TRPV1: variants seen among roughly 807,000 people sequenced by gnomAD.
TRPV1 encodes the protein transient receptor potential cation channel subfamily V member 1, also known as OTRPC1.
Under a neutral mutation model 82.3 loss-of-function variants are expected in TRPV1, and 82 were observed. The observed-to-expected ratio is 1.00, with a 90% CI of 0.83 to 1.20. The LOEUF (loss-of-function observed/expected upper bound fraction) is 1.20, where lower values mean the gene tolerates loss of function less well. Among genes scored for constraint, TRPV1 ranks in the 50% most tolerant of loss-of-function variants. TRPV1 has a pLI of 0.00. For synonymous variants in TRPV1, 515 were observed against 467.7 expected (o/e 1.10, Z -1.30); for missense variants, 1,067 against 1,096.8 (o/e 0.97, Z 0.38).
intron 16 of TRPV1, 79 bp downstream of exon 16, chr17:3,571,445 G>T: frequency 1.7e-6 from 2 of 1,183,432 alleles, no homozygotes; most frequent in Non-Finnish European, 2.4e-6. Context: ...GGCAAGGCGT[G>T]GGGAACCTGC....
At chr17:3,569,990 AG>A in intron 16 of TRPV1, among the ~76,000 whole-genome samples, 2 of 150,230 alleles carry the variant, frequency 1.3e-5, no homozygotes, top group African/African-American at 4.9e-5. Context: ...CCAAGCGGTC[AG>A]GGAGGAGGGG....
intron 11 of TRPV1, among the ~76,000 whole-genome samples, chr17:3,580,023 C>T (rs2074985444): frequency 6.8e-6 from 1 of 146,966 alleles, no homozygotes; most frequent in African/African-American, 2.5e-5. Flanking sequence ...CACAGGGCAG[C>T]CCCCGCCCCG....
At chr17:3,577,424 C>T (rs2074948103) in intron 12 of TRPV1, among the ~76,000 whole-genome samples, 174 bp downstream of exon 12, 1 of 152,112 alleles carries the variant, frequency 6.6e-6, no homozygotes, top group African/African-American at 2.4e-5. Flanking sequence ...AGGGGACCCC[C>T]CTACACATAC....
intron 13 of TRPV1, among the ~76,000 whole-genome samples, chr17:3,574,350 C>G (rs1196328823): frequency 1.3e-5 from 2 of 152,176 alleles, no homozygotes; most frequent in Non-Finnish European, 2.9e-5. Context: ...CACATGCTGC[C>G]TGCTTCTGTG....
At chr17:3,580,611 C>G in intron 10 of TRPV1, 84 bp from the exon 11 acceptor site, 3 of 1,415,388 alleles carry the variant, frequency 2.1e-6, no homozygotes, top group Non-Finnish European at 3.0e-6. Context: ...CTAAATGGCA[C>G]CATGATGGGG....
intron 10 of TRPV1, among the ~76,000 whole-genome samples, chr17:3,581,247 G>A (rs964982110): frequency 3.9e-5 from 6 of 152,002 alleles, no homozygotes; most frequent in African/African-American, 1.2e-4. Flanking sequence ...TTACAAGCGT[G>A]AGCCACCTTT....
chr17:3,592,655 C>T, intron 2 of TRPV1: 1 of 428,854 alleles, frequency 2.3e-6, no homozygotes, highest in Non-Finnish European at 4.3e-6. Context: ...TCAGAGCCAT[C>T]TGTGGTTCTG....
chr17:3,588,787 C>A, intron 7 of TRPV1: 1 of 939,642 alleles, frequency 1.1e-6, no homozygotes, highest in Non-Finnish European at 1.6e-6. Context: ...GCTCTCCAGC[C>A]TGGGCAACAA....
chr17:3,583,964 A>AT (rs1221741913), intron 9 of TRPV1, among the ~76,000 whole-genome samples: 4 of 151,952 alleles, frequency 2.6e-5, no homozygotes, highest in Non-Finnish European at 5.9e-5. Flanking sequence ...TTACCAGCAC[A>AT]TTTTTCTCTT....
Position 3,566,909 on chromosome 17 carries a change from T to C in TRPV1, c.2426A>G (p.Gln809Arg). 1 of 1,614,014 alleles carries C rather than the reference T, an allele frequency of 6.2e-7. No individual in the cohort carries two copies. The highest frequency in any genetic ancestry group is 1.3e-5 in the African/African-American group (1 of 75,056). Residue 809 changes from glutamine to arginine, a missense_variant, in exon 17 of 17, where the codon CAG becomes CGG. Coordinates refer to ENST00000572705, the MANE Select transcript of TRPV1 (RefSeq NM_080704.4). ...EASARDRQSA[Q>R]PEEVYLRQFS... is the part of the protein sequence containing the mutation. ...CTGTCGCAGATAAACTTCCTCGGGC[T>C]GAGCAGACTGCCTATCTCGAGCACT...
At chr17:3,575,454 G>C (rs2074917509) in intron 13 of TRPV1, among the ~76,000 whole-genome samples, 1 of 150,514 alleles carries the variant, frequency 6.6e-6, no homozygotes, top group African/African-American at 2.4e-5. Context: ...CTGCATGCCA[G>C]CCTGGGCGAC....
Position 3,573,752 on chromosome 17 carries a change from T to A in TRPV1, c.1984A>T (p.Ile662Phe). ...ENYDFKAVFI[I>F]LLLAYVILTY... ...AGAATTACATAGGCCAGCAGCAGGA[T>A]GATGAAGACAGCCTTGAAGTCATAG... is the stretch of plus-strand genomic sequence containing the variant. Residue 662 changes from isoleucine to phenylalanine, a missense_variant, in exon 14 of 17, where the codon ATC becomes TTC. Physicochemically the swap from Ile to Phe is conservative, Grantham distance 21 (BLOSUM62 0). Coordinates refer to ENST00000572705, the MANE Select transcript of TRPV1 (RefSeq NM_080704.4). The A allele has an allele frequency of 6.2e-7, 1 of 1,613,984 alleles. No individual in the cohort carries two copies. The highest frequency in any genetic ancestry group is 8.5e-7 in the Non-Finnish European group (1 of 1,179,984).
intron 16 of TRPV1, among the ~76,000 whole-genome samples, chr17:3,568,017 G>A (rs893640215): frequency 6.6e-6 from 1 of 152,238 alleles, no homozygotes; most frequent in African/African-American, 2.4e-5. Context: ...AAATCAACAA[G>A]AGTGACATTG....
At position 3,566,761 on chromosome 17, in the gene TRPV1, T is replaced by C. The variant is rs200656632; in HGVS notation, c.*54A>G. On this transcript the variant is annotated 3_prime_UTR_variant, in exon 17 of 17. Transcript: ENST00000572705. ...CTGGTGTTCCCTCAGCAGCCCCCCGTGGCAACGGGGTCTCCTAAGGCCCAG... is the reference window on the plus strand; with the variant it reads ...CTGGTGTTCCCTCAGCAGCCCCCCGCGGCAACGGGGTCTCCTAAGGCCCAG... The C allele has an allele frequency of 2.5e-6, 4 of 1,583,512 alleles. No individual in the cohort carries two copies. Among genetic ancestry groups the C allele is most frequent in the Non-Finnish European group, 2.6e-6 (3 of 1,163,104 alleles).
intron 13 of TRPV1, 82 bp from the exon 14 acceptor site, chr17:3,574,037 C>G: frequency 8.2e-7 from 1 of 1,219,982 alleles, no homozygotes; most frequent in Non-Finnish European, 1.1e-6. Context: ...CCTGCTCAGT[C>G]AGTCTCAAAT....
chr17:3,588,468 C>T, intron 7 of TRPV1, 101 bp from the exon 8 acceptor site: 10 of 1,365,140 alleles, frequency 7.3e-6, no homozygotes, highest in Non-Finnish European at 1.0e-5. Flanking sequence ...CTGGTGGCCC[C>T]ACCTAAGCCC....
At position 3,569,266 on chromosome 17, in the gene TRPV1, T is replaced by TA. The variant is rs757934292; in HGVS notation, c.2347+2257dup. ...ATGTACCCTAGAACTTAAAGTATAA[T>TA]AAAAAAAAAAATTAGCCGGGTATAG... On this transcript the variant is annotated intron_variant, in intron 16 of 16. Transcript: ENST00000572705. Among the ~76,000 whole-genome samples, 418 of 146,914 alleles carry TA rather than the reference T, an allele frequency of 2.8e-3. 2 individuals are homozygous for TA. Among genetic ancestry groups the TA allele is most frequent in the African/African-American group, 9.3e-3 (372 of 40,204 alleles).
chr17:3,592,245 C>T lies in TRPV1; in HGVS notation c.106G>A (p.Ala36Thr). ...TTGGCCGTGGAGAGCTGGGGCTTGGCTGGAGGTGGCCTGGAGTTAGGGTCT... is the reference window on the plus strand; with the variant it reads ...TTGGCCGTGGAGAGCTGGGGCTTGGTTGGAGGTGGCCTGGAGTTAGGGTCT... ...DGDPNSRPPP[A>T]KPQLSTAKSR... The change falls in exon 3 of 17, where the codon GCC becomes ACC. Residue 36 changes from alanine to threonine, a missense_variant. Ala to Thr is a moderately conservative substitution (Grantham distance 58). Transcript: ENST00000572705. 6.2e-7 allele frequency: 1 copy of T among 1,610,136 alleles called. No homozygotes were observed. Among genetic ancestry groups the T allele is most frequent in the Non-Finnish European group, 8.5e-7 (1 of 1,178,228 alleles).
rs1279854981 is a variant in TRPV1 at position 3,566,731 on chromosome 17, G to C, written c.*84C>G. The C allele has an allele frequency of 6.6e-7, 1 of 1,515,340 alleles. No individual in the cohort carries two copies. Among genetic ancestry groups the C allele is most frequent in the Non-Finnish European group, 8.9e-7 (1 of 1,118,748 alleles). 93.9% of individuals were successfully genotyped at this position (1,515,340 alleles called of 1,614,324 possible). ...CACAGACCAGGCCAGGCTGCTGACAGAGCACTGGTGTTCCCTCAGCAGCCC... is the reference window on the plus strand; with the variant it reads ...CACAGACCAGGCCAGGCTGCTGACACAGCACTGGTGTTCCCTCAGCAGCCC... On this transcript the variant is annotated 3_prime_UTR_variant, in exon 17 of 17. Transcript: ENST00000572705.
Sources: allele counts gnomAD v4.1 joint callset (sites outside exome capture counted in the v4.1 genomes callset), GRCh38; gene constraint gnomAD v4.1.1; transcripts MANE v1.5; gene names NCBI Gene and HGNC (gene_info 2026-07-23, HGNC 2026-07-21).